SH3RF1: variants seen among roughly 807,000 people sequenced by gnomAD.
SH3RF1 encodes the protein E3 ubiquitin-protein ligase SH3RF1.
A neutral mutation model predicts 74.0 loss-of-function variants in SH3RF1; 32 were observed. The ratio of observed to expected loss-of-function variants is 0.43; its 90% CI spans 0.33 to 0.58. The LOEUF (loss-of-function observed/expected upper bound fraction) is 0.58, where lower values mean the gene tolerates loss of function less well. Among genes scored for constraint, SH3RF1 ranks in the 20% least tolerant of loss-of-function variants. The pLI, the probability that SH3RF1 is intolerant of heterozygous loss-of-function variation, is 0.05. For missense variants in SH3RF1, 954 were observed against 1,130.9 expected, an observed-to-expected ratio of 0.84 and a Z score of 2.24; for synonymous variants, 396 against 439.6, an observed-to-expected ratio of 0.90 and a Z score of 1.24.
At chr4:169,121,287 C>T (rs142676649) in intron 7 of SH3RF1, among the ~76,000 whole-genome samples, 151 of 152,272 alleles carry the variant, frequency 9.9e-4, no homozygotes, top group Admixed American at 2.6e-3. Flanking sequence ...CCAAGAGTGC[C>T]TAACTTGCTA....
At chr4:169,242,536 C>T (rs1276304813) in intron 2 of SH3RF1, among the ~76,000 whole-genome samples, 1 of 152,170 alleles carries the variant, frequency 6.6e-6, no homozygotes, top group Admixed American at 6.5e-5. Context: ...GTCCCAGCTC[C>T]AGGAAATCAA....
chr4:169,255,431 C>G (rs1050607568), intron 2 of SH3RF1, among the ~76,000 whole-genome samples: 3 of 151,406 alleles, frequency 2.0e-5, no homozygotes, highest in African/African-American at 7.3e-5. Flanking sequence ...TAGATATGAG[C>G]TATTAAAAAA....
intron 4 of SH3RF1, among the ~76,000 whole-genome samples, chr4:169,153,036 A>G (rs1363719823): frequency 1.3e-5 from 2 of 152,166 alleles, no homozygotes; most frequent in Admixed American, 6.6e-5. Context: ...TCCTACCCCA[A>G]GGCCCATCCC....
At chr4:169,220,325 GA>G (rs1730545542) in intron 2 of SH3RF1, 1 of 152,206 alleles carries the variant, frequency 6.6e-6, no homozygotes, top group South Asian at 2.1e-4. Flanking sequence ...GAAGATTGAA[GA>G]AGAATAAATT....
intron 2 of SH3RF1, among the ~76,000 whole-genome samples, chr4:169,182,243 TAATAC>T (rs1442073862): frequency 6.6e-6 from 1 of 152,242 alleles, no homozygotes; most frequent in Non-Finnish European, 1.5e-5. Context: ...AATGAAAAGA[TAATAC>T]ATTACTGCAA....
At chr4:169,215,111 CT>C in intron 2 of SH3RF1, among the ~76,000 whole-genome samples, 1 of 152,058 alleles carries the variant, frequency 6.6e-6, no homozygotes, top group Non-Finnish European at 1.5e-5. Context: ...AATTTTTTTT[CT>C]TATCAAGTTG....
chr4:169,129,655 T>C (rs1375673395), intron 6 of SH3RF1, among the ~76,000 whole-genome samples: 2 of 152,220 alleles, frequency 1.3e-5, no homozygotes, highest in African/African-American at 4.8e-5. Context: ...ATCTGTCATG[T>C]GACTCAAAGT....
At chr4:169,213,331 T>A (rs1308080836) in intron 2 of SH3RF1, among the ~76,000 whole-genome samples, 1 of 152,236 alleles carries the variant, frequency 6.6e-6, no homozygotes, top group East Asian at 1.9e-4. Context: ...TGGTGAAGTG[T>A]CTGTTCAGGT....
chr4:169,117,855 A>G, intron 8 of SH3RF1, 73 bp from the exon 9 acceptor site: 3 of 1,516,796 alleles, frequency 2.0e-6, no homozygotes, highest in Non-Finnish European at 2.7e-6. Context: ...TAAATGCAAG[A>G]AAAATGACTC....
At chr4:169,237,792 TATAAGAA>T (rs550937209) in intron 2 of SH3RF1, among the ~76,000 whole-genome samples, 163 of 152,258 alleles carry the variant, frequency 1.1e-3, no homozygotes, top group African/African-American at 2.6e-3. Flanking sequence ...CCTACAGTCT[TATAAGAA>T]ATAAGAAATA....
intron 2 of SH3RF1, among the ~76,000 whole-genome samples, chr4:169,221,327 C>A (rs1165751587): frequency 6.6e-6 from 1 of 152,128 alleles, no homozygotes; most frequent in East Asian, 1.9e-4. Context: ...AAAAATAGGT[C>A]TCTCCAACAA....
intron 2 of SH3RF1, among the ~76,000 whole-genome samples, chr4:169,208,149 G>GTTTTTTTT (rs5863986): frequency 6.8e-6 from 1 of 146,480 alleles, no homozygotes; most frequent in Non-Finnish European, 1.5e-5. Context: ...AAGTCCTCAA[G>GTTTTTTTT]TTTTTTTTTT....
Position 169,130,138 on chromosome 4 carries a change from C to T in SH3RF1, c.1087G>A (p.Gly363Arg), listed in dbSNP as rs549890843. The change falls in exon 6 of 12, where the codon GGG becomes AGG. Residue 363 changes from glycine (G) to arginine (R), a missense_variant. This residue lies in a region of SH3RF1 where 854 missense variants were observed against 962.5 expected (regional missense o/e 0.89). Coordinates refer to ENST00000284637, the MANE Select transcript of SH3RF1 (RefSeq NM_020870.4). ...CTTGGGGGCGGGGTCACAATTAACCCGGTGGTACTTATATGAACCTGCCGA... is the reference window on the plus strand; with the variant it reads ...CTTGGGGGCGGGGTCACAATTAACCTGGTGGTACTTATATGAACCTGCCGA... ...APSQVHISTT[G>R]LIVTPPPSSP... 1.1e-5 allele frequency: 17 copies of T among 1,587,142 alleles called. No individual in the cohort carries two copies. In the African/African-American group the frequency reaches 1.5e-4, roughly 14 times the overall value.
At chr4:169,154,370 T>C (rs543866671) in intron 4 of SH3RF1, among the ~76,000 whole-genome samples, 48 of 152,328 alleles carry the variant, frequency 3.2e-4, no homozygotes, top group South Asian at 2.1e-4. Flanking sequence ...ATGGAGGAAA[T>C]TGAGTGCTGG....
At chr4:169,111,194 G>A (rs1415773664) in intron 10 of SH3RF1, among the ~76,000 whole-genome samples, 1 of 150,740 alleles carries the variant, frequency 6.6e-6, no homozygotes, top group Non-Finnish European at 1.5e-5. Flanking sequence ...CCCACTACTT[G>A]GGAGGCTGAG....
Position 169,096,269 on chromosome 4 carries a change from G to T in SH3RF1, c.*250C>A. 2.1e-5 allele frequency: 7 copies of T among 335,322 alleles called. No homozygotes were observed. Among genetic ancestry groups the T allele is most frequent in the Admixed American group, 4.8e-5 (1 of 20,926 alleles). The allele number at this position is 335,322 out of a possible 1,614,324, so 20.8% of individuals were successfully genotyped here. On this transcript the variant is annotated 3_prime_UTR_variant, in exon 12 of 12. Coordinates refer to ENST00000284637, the MANE Select transcript of SH3RF1 (RefSeq NM_020870.4). ...TCATATATCTTAAAAAAAAAAAAAA[G>T]TTTCTCTGTGTAGTAAATCAGACAG...
intron 6 of SH3RF1, among the ~76,000 whole-genome samples, chr4:169,127,273 GA>G (rs1451963082): frequency 1.3e-5 from 2 of 152,040 alleles, no homozygotes; most frequent in Non-Finnish European, 2.9e-5. Flanking sequence ...CTCAATTCAT[GA>G]AAAAAAGCAT....
intron 2 of SH3RF1, among the ~76,000 whole-genome samples, chr4:169,244,877 A>G (rs1430038247): frequency 6.6e-6 from 1 of 152,220 alleles, no homozygotes; most frequent in Non-Finnish European, 1.5e-5. Flanking sequence ...GACTGTGTGA[A>G]AAAAGGTAAA....
chr4:169,259,857 A>T (rs1731249755), intron 2 of SH3RF1, among the ~76,000 whole-genome samples: 2 of 152,194 alleles, frequency 1.3e-5, no homozygotes, highest in Admixed American at 6.5e-5. Flanking sequence ...AGTACATCTC[A>T]CTATAATATT....
Sources: gnomAD v4.1 joint callset for allele counts (sites outside exome capture counted in the v4.1 genomes callset) on GRCh38, gnomAD v4.1.1 for gene constraint, gnomAD v4.1.1 regional missense constraint, MANE v1.5 for transcripts, NCBI Gene and HGNC (gene_info 2026-07-23, HGNC 2026-07-21) for gene names.